RPS29: variants seen among roughly 807,000 people sequenced by gnomAD.
RPS29 encodes the protein ribosomal protein S29, also known as small ribosomal subunit protein uS14.
For missense variants in RPS29, 60 were observed against 75.7 expected (o/e 0.79, Z 0.77); for synonymous variants, 37 against 26.9 (o/e 1.37, Z -1.16).
At chr14:49,571,942 T>A (rs1881066419) in exon 3 of RPS29, 1 of 152,128 alleles carries the variant, frequency 6.6e-6, no homozygotes, top group East Asian at 1.9e-4. Context: ...TACGTTTTAT[T>A]GTTTTATTTT....
chr14:49,586,911 C>T (rs1881597787), upstream of RPS29: 1 of 155,874 alleles, frequency 6.4e-6, no homozygotes, highest in Admixed American at 6.2e-5. Flanking sequence ...TTTGGACTCT[C>T]AAGAGATGAA....
downstream of RPS29, among the ~76,000 whole-genome samples, chr14:49,580,903 A>T (rs1278620072): frequency 6.7e-6 from 1 of 149,142 alleles, no homozygotes; most frequent in Non-Finnish European, 1.5e-5. Context: ...AAAAAAAAAA[A>T]TGCTGGGTGC....
upstream of RPS29, among the ~76,000 whole-genome samples, chr14:49,590,310 C>T (rs926074692): frequency 6.6e-6 from 1 of 151,292 alleles, no homozygotes; most frequent in African/African-American, 2.4e-5. Flanking sequence ...ACCCGGTCTC[C>T]ACTAAAAATA....
Position 49,586,330 on chromosome 14 carries a change from A to G in RPS29, c.17T>C (p.Leu6Pro). The change falls in exon 1 of 3, where the codon CTG (leucine) becomes CCG (proline). Residue 6 changes from leucine (L) to proline (P), a missense_variant. Transcript: ENST00000245458. MGHQQ[L>P]YWSHPRKFGQ... is the part of the protein sequence containing the mutation. ...GAATTTTCGCGGGTGGCTCCAGTAC[A>G]GCTGCTGGTGACCCATCTTGCTCTC... 6.2e-7 allele frequency: 1 copy of G among 1,613,988 alleles called. No individual in the cohort carries two copies. Among genetic ancestry groups the G allele is most frequent in the Non-Finnish European group, 8.5e-7 (1 of 1,179,834 alleles).
upstream of RPS29, chr14:49,586,749 C>CT (rs569137039): frequency 1.6e-4 from 38 of 242,256 alleles, 2 homozygotes; most frequent in South Asian, 1.6e-3. Flanking sequence ...ACCAGGTTGC[C>CT]TAAGGAGGGG....
At chr14:49,578,559 CTTTTT>C (rs60555753) in intron 2 of RPS29, among the ~76,000 whole-genome samples, 1 of 103,450 alleles carries the variant, frequency 9.7e-6, no homozygotes, top group Middle Eastern at 8.6e-3. Context: ...AAAGCTTTCA[CTTTTT>C]TTTTTTTTTT....
At chr14:49,586,592 GGC>G, upstream of RPS29, 1 of 532,672 alleles carries the variant, frequency 1.9e-6, no homozygotes. Context: ...CGGGCGCGGT[GGC>G]GCGTGCCTGT....
chr14:49,585,840 G>A (rs1345998680), intron 2 of RPS29, 110 bp downstream of exon 2: 2 of 795,102 alleles, frequency 2.5e-6, no homozygotes, highest in South Asian at 1.6e-5. Flanking sequence ...TTGGTCGAAT[G>A]CTCAGAATTA....
chr14:49,577,777 C>A (rs114201314), exon 3 of RPS29: 3 of 1,563,342 alleles, frequency 1.9e-6, no homozygotes, highest in African/African-American at 2.7e-5. Context: ...GCTTCGCGAG[C>A]GGTCTCAGGA....
At chr14:49,583,279 G>A (rs770156449), downstream of RPS29, among the ~76,000 whole-genome samples, 65 of 152,278 alleles carry the variant, frequency 4.3e-4, no homozygotes, top group Non-Finnish European at 8.2e-4. Context: ...TGCCGGGTGC[G>A]GTGGCTCATG....
At chr14:49,593,471 A>G (rs758885705) in intron 1 of RPS29, among the ~76,000 whole-genome samples, 1 of 152,140 alleles carries the variant, frequency 6.6e-6, no homozygotes, top group Non-Finnish European at 1.5e-5. Context: ...TGGGAGGCCA[A>G]GGTAGGTGGA....
At chr14:49,578,074 T>A (rs1451193900) in intron 2 of RPS29, among the ~76,000 whole-genome samples, 2 of 152,050 alleles carry the variant, frequency 1.3e-5, no homozygotes, top group Non-Finnish European at 2.9e-5. Context: ...ATAAGAAGAT[T>A]CTAGGAAAAC....
At chr14:49,576,000 T>G (rs1316961221) in exon 3 of RPS29, 2 of 152,178 alleles carry the variant, frequency 1.3e-5, no homozygotes, top group African/African-American at 4.8e-5. Flanking sequence ...GCACACATAA[T>G]CTAGGCTAAT....
intron 2 of RPS29, chr14:49,585,688 C>T (rs1881518444): frequency 2.1e-6 from 1 of 486,526 alleles, no homozygotes; most frequent in Non-Finnish European, 3.7e-6. Flanking sequence ...ACACAATACA[C>T]GGCACCTAAA....
chr14:49,582,219 CAA>C (rs112562283), downstream of RPS29, among the ~76,000 whole-genome samples: 248 of 152,200 alleles, frequency 1.6e-3, no homozygotes, highest in African/African-American at 5.7e-3. Context: ...CAGTTGATCC[CAA>C]GAGTTCAGAC....
chr14:49,585,887 G>C, intron 2 of RPS29, 63 bp downstream of exon 2: 1 of 1,308,288 alleles, frequency 7.6e-7, no homozygotes. Flanking sequence ...GTCTTTCGCG[G>C]AAAAAATAAC....
upstream of RPS29, among the ~76,000 whole-genome samples, chr14:49,590,433 G>A (rs549675057): frequency 5.9e-5 from 9 of 151,888 alleles, no homozygotes; most frequent in East Asian, 3.9e-4. Context: ...CCGAGATTGC[G>A]CCACTGCACT....
downstream of RPS29, among the ~76,000 whole-genome samples, chr14:49,580,219 C>T (rs1881296690): frequency 1.3e-5 from 2 of 152,224 alleles, 1 homozygote; most frequent in South Asian, 4.1e-4. Context: ...TGACCTAACT[C>T]ACCACTACAT....
chr14:49,595,824 C>T (rs1487943537), intron 1 of RPS29, among the ~76,000 whole-genome samples: 1 of 152,026 alleles, frequency 6.6e-6, no homozygotes, highest in Non-Finnish European at 1.5e-5. Context: ...ACCAGCCTGA[C>T]CAATATGGTG....
Sources: allele counts gnomAD v4.1 joint callset (sites outside exome capture counted in the v4.1 genomes callset), GRCh38; gene constraint gnomAD v4.1.1; transcripts MANE v1.5; gene names NCBI Gene and HGNC (gene_info 2026-07-23, HGNC 2026-07-21).